Variants in CTXN2 observed in about 807,000 individuals in gnomAD.
CTXN2 encodes cortexin 2.
CTXN2 carries 3 observed loss-of-function variants against 5.7 expected under a neutral mutation model. That is an observed-to-expected ratio of 0.53 (90% CI 0.24 to 1.36). The LOEUF (loss-of-function observed/expected upper bound fraction) is 1.36. Among genes scored for constraint, CTXN2 ranks in the 40% most tolerant of loss-of-function variants. CTXN2 has a pLI of 0.17. For synonymous variants in CTXN2, 38 were observed against 36.4 expected, an observed-to-expected ratio of 1.04 and a Z score of -0.16; for missense variants, 87 against 93.0, an observed-to-expected ratio of 0.94 and a Z score of 0.26.
chr15:48,180,661 G>A (rs1457114056), intron 1 of CTXN2, among the ~76,000 whole-genome samples: 2 of 152,142 alleles, frequency 1.3e-5, no homozygotes, highest in African/African-American at 4.8e-5. Context: ...ACAGGCGCCC[G>A]CCAGCAGGCC....
intron 1 of CTXN2, among the ~76,000 whole-genome samples, chr15:48,197,323 A>G (rs916730956): frequency 6.6e-6 from 1 of 152,050 alleles, no homozygotes; most frequent in Non-Finnish European, 1.5e-5. Context: ...TGACCTCTTT[A>G]ACTAAAGGAG....
At chr15:48,184,785 C>T (rs557396567) in intron 1 of CTXN2, among the ~76,000 whole-genome samples, 178 of 152,192 alleles carry the variant, frequency 1.2e-3, no homozygotes, top group African/African-American at 4.0e-3. Flanking sequence ...CCAACAATCA[C>T]GCTGTTAGTT....
At chr15:48,179,414 CACAT>C (rs775341779) in intron 1 of CTXN2, among the ~76,000 whole-genome samples, 220 of 46,770 alleles carry the variant, frequency 4.7e-3, no homozygotes, top group Non-Finnish European at 0.037. Context: ...ATCACACACA[CACAT>C]ACACACACAC....
upstream of CTXN2, among the ~76,000 whole-genome samples, chr15:48,187,467 T>G (rs1181183534): frequency 6.6e-6 from 1 of 152,190 alleles, no homozygotes; most frequent in African/African-American, 2.4e-5. Context: ...CATTAAAATA[T>G]TTTAGTTAAG....
chr15:48,186,266 C>T (rs2040753693), intron 1 of CTXN2, among the ~76,000 whole-genome samples: 1 of 152,108 alleles, frequency 6.6e-6, no homozygotes, highest in Non-Finnish European at 1.5e-5. Context: ...TGAACTGAAA[C>T]ATTTAGTACA....
intron 1 of CTXN2, among the ~76,000 whole-genome samples, chr15:48,194,472 T>G (rs1217992815): frequency 6.6e-6 from 1 of 152,180 alleles, no homozygotes; most frequent in Non-Finnish European, 1.5e-5. Context: ...AACTAAATTT[T>G]TATAATGATG....
At chr15:48,194,185 T>C (rs1417312221) in intron 1 of CTXN2, among the ~76,000 whole-genome samples, 2 of 151,572 alleles carry the variant, frequency 1.3e-5, no homozygotes, top group Admixed American at 1.3e-4. Flanking sequence ...TTTTAAGATA[T>C]TAATAAAACA....
rs1286762933 is a variant in CTXN2, at chr15:48,191,843, A to C, written c.-68A>C. On this transcript the variant is annotated 5_prime_UTR_variant, in exon 1 of 2. Coordinates refer to ENST00000417307, the MANE Select transcript of CTXN2 (RefSeq NM_001145668.2). ...GGCTGGACTTCATCTCCATGGCAACAAGCATGGAAGGTGAGACATCGCTGT... is the reference window on the plus strand; with the variant it reads ...GGCTGGACTTCATCTCCATGGCAACCAGCATGGAAGGTGAGACATCGCTGT... 1 of 455,990 alleles carries C rather than the reference A, an allele frequency of 2.2e-6. No homozygotes were observed. The highest frequency in any genetic ancestry group is 4.4e-6 in the Non-Finnish European group (1 of 226,768). The allele number at this position is 455,990 out of a possible 1,614,324, so 28.2% of individuals were successfully genotyped here.
At chr15:48,186,909 CAAAAAAAA>C (rs751653728), upstream of CTXN2, among the ~76,000 whole-genome samples, 2 of 44,554 alleles carry the variant, frequency 4.5e-5, no homozygotes, top group Non-Finnish European at 4.7e-5. Flanking sequence ...GACTCCATCT[CAAAAAAAA>C]AAAAAAAAAA....
At chr15:48,195,999 AAT>A (rs1362619644) in intron 1 of CTXN2, among the ~76,000 whole-genome samples, 2 of 152,096 alleles carry the variant, frequency 1.3e-5, no homozygotes, top group Non-Finnish European at 2.9e-5. Context: ...CAACCCAATA[AAT>A]ATGTTTCAAT....
At chr15:48,184,767 C>T (rs2040731995) in intron 1 of CTXN2, among the ~76,000 whole-genome samples, 1 of 152,074 alleles carries the variant, frequency 6.6e-6, no homozygotes, top group African/African-American at 2.4e-5. Flanking sequence ...ATAGTCTTAC[C>T]ATAGAATCCA....
chr15:48,184,571 G>GT (rs750316041), intron 1 of CTXN2, among the ~76,000 whole-genome samples: 39 of 152,266 alleles, frequency 2.6e-4, no homozygotes, highest in African/African-American at 8.7e-4. Context: ...TGTACTGGGG[G>GT]TTGAAAATTG....
At chr15:48,199,776 T>TA (rs1487388242) in intron 1 of CTXN2, among the ~76,000 whole-genome samples, 2 of 152,100 alleles carry the variant, frequency 1.3e-5, no homozygotes, top group African/African-American at 4.8e-5. Context: ...TCCCTATGTT[T>TA]AAAAAACTAA....
upstream of CTXN2, chr15:48,191,471 G>A (rs1015738992): frequency 3.6e-6 from 1 of 276,236 alleles, no homozygotes; most frequent in African/African-American, 2.2e-5. Flanking sequence ...GAAGAATAGA[G>A]CCTGTTGCTG....
rs575630093 is a variant in CTXN2, at chr15:48,194,598, A to G, written c.-58+2745A>G. Among the ~76,000 whole-genome samples, 7 of 152,250 alleles carry G rather than the reference A, an allele frequency of 4.6e-5. 1 individual carries two copies. Among genetic ancestry groups the G allele is most frequent in the Admixed American group, 4.6e-4 (7 of 15,286 alleles). Reference sequence around the variant, plus strand: ...CATTCTAGAAGCCCTAGCCTCCTTTATTATAGGTGAACTTTCTGCTACAGA... The same window carrying G: ...CATTCTAGAAGCCCTAGCCTCCTTTGTTATAGGTGAACTTTCTGCTACAGA... On this transcript the variant is annotated intron_variant, in intron 1 of 1. Transcript: ENST00000417307.
chr15:48,183,060 C>G (rs887932688), intron 1 of CTXN2, among the ~76,000 whole-genome samples: 1 of 152,144 alleles, frequency 6.6e-6, no homozygotes, highest in African/African-American at 2.4e-5. Context: ...CAGTGCCTCT[C>G]CTTGGTAGAA....
rs1165127582 is a variant in CTXN2 at position 48,203,033 on chromosome 15, GACT to G, written c.*1492_*1494del. ...ACTCTTATAAATTCTTTGAGTTGGA[GACT>G]ACTATTTCCATTTTATTTTTAATCT... On this transcript the variant is annotated 3_prime_UTR_variant, in exon 2 of 2. Transcript: ENST00000417307. 1.2e-5 allele frequency: 2 copies of G among 166,894 alleles called. No homozygotes were observed. The highest frequency in any genetic ancestry group is 1.9e-4 in the East Asian group (1 of 5,190). The allele number at this position is 166,894 out of a possible 1,614,324, so 10.3% of individuals were successfully genotyped here. A position where few individuals can be genotyped will look rare whatever the true frequency, so the allele number is the denominator to read the frequency against.
chr15:48,200,238 G>T (rs1450564534), intron 1 of CTXN2, among the ~76,000 whole-genome samples: 1 of 152,078 alleles, frequency 6.6e-6, no homozygotes, highest in African/African-American at 2.4e-5. Context: ...TGGATGAAAA[G>T]CTATTTGGTG....
chr15:48,193,873 C>T (rs930029075), intron 1 of CTXN2, among the ~76,000 whole-genome samples: 2 of 152,078 alleles, frequency 1.3e-5, no homozygotes, highest in Non-Finnish European at 2.9e-5. Flanking sequence ...TTCTTCATTT[C>T]ACAGAGCAAG....
Sources: gnomAD v4.1 joint callset for allele counts (sites outside exome capture counted in the v4.1 genomes callset) on GRCh38, gnomAD v4.1.1 for gene constraint, MANE v1.5 for transcripts, NCBI Gene and HGNC (gene_info 2026-07-23, HGNC 2026-07-21) for gene names.